The following HSPA4L variants were observed in gnomAD, a reference collection of about 807,000 sequenced individuals.
The protein encoded by HSPA4L is heat shock protein family A (Hsp70) member 4 like, also known as heat shock 70 kDa protein 4L.
In HSPA4L, 48 loss-of-function variants were observed where a neutral mutation model predicts 100.3. That is an observed-to-expected ratio of 0.48 (90% CI 0.38 to 0.61). The LOEUF is 0.61. Ranked by LOEUF, HSPA4L falls within the 20% of genes least tolerant of loss-of-function variation. The probability of loss-of-function intolerance (pLI) is 0.00; values close to 1 mark genes in which losing one functional copy is unlikely to be tolerated. For missense variants in HSPA4L, 886 were observed against 988.6 expected, an observed-to-expected ratio of 0.90 and a Z score of 1.39; for synonymous variants, 319 against 328.2, an observed-to-expected ratio of 0.97 and a Z score of 0.30.
At chr4:127,789,788 T>C (rs1280795137) in intron 1 of HSPA4L, among the ~76,000 whole-genome samples, 1 of 152,264 alleles carries the variant, frequency 6.6e-6, no homozygotes. Flanking sequence ...TGAAAACTCT[T>C]ACATCAGCCT....
intron 11 of HSPA4L, 124 bp from the exon 12 acceptor site, chr4:127,811,313 A>T (rs1212359762): frequency 2.9e-6 from 2 of 691,296 alleles, no homozygotes; most frequent in Non-Finnish European, 5.0e-6. Flanking sequence ...CAATCAGGAT[A>T]TGATCATAAT....
intron 17 of HSPA4L, 63 bp from the exon 18 acceptor site, chr4:127,830,575 C>A (rs1734053329): frequency 1.5e-6 from 2 of 1,314,952 alleles, no homozygotes; most frequent in Non-Finnish European, 2.1e-6. Context: ...GTAGAAATTA[C>A]TAATAAACTG....
intron 1 of HSPA4L, chr4:127,783,787 A>G (rs990128998): frequency 1.2e-5 from 12 of 974,624 alleles, no homozygotes; most frequent in South Asian, 9.6e-5. Flanking sequence ...CTCATTTACT[A>G]TTCTATGGAA....
Position 127,790,196 on chromosome 4 carries a change from C to A in HSPA4L, c.108-3881C>A, listed in dbSNP as rs142580885. Among the ~76,000 whole-genome samples, 615 of 152,292 alleles carry A rather than the reference C, an allele frequency of 4.0e-3. 3 individuals carry two copies. The highest frequency in any genetic ancestry group is 7.8e-3 in the Non-Finnish European group (534 of 68,026). On this transcript the variant is annotated intron_variant, in intron 1 of 18. Coordinates refer to ENST00000296464, the MANE Select transcript of HSPA4L (RefSeq NM_014278.4). ...CTGAATCTTCTTTGGCTCTACTGTT[C>A]TAACAAAAATTAAACTCTTGAGAAT...
intron 8 of HSPA4L, 45 bp downstream of exon 8, chr4:127,804,132 C>A: frequency 6.8e-7 from 1 of 1,460,198 alleles, no homozygotes; most frequent in Non-Finnish European, 9.5e-7. Context: ...CATAATGTTG[C>A]CTACTTAGCG....
At chr4:127,781,933 C>T (rs929416844), upstream of HSPA4L, 57 of 400,316 alleles carry the variant, frequency 1.4e-4, no homozygotes, top group South Asian at 9.4e-4. Context: ...AGCACGCCTC[C>T]GGTTGCCAAA....
intron 3 of HSPA4L, among the ~76,000 whole-genome samples, chr4:127,796,303 A>G (rs1733020314): frequency 6.6e-6 from 1 of 152,192 alleles, no homozygotes. Context: ...ATGTTAAAGC[A>G]TACTTTTCTT....
intron 7 of HSPA4L, 30 bp downstream of exon 7, chr4:127,803,903 G>A: frequency 6.2e-7 from 1 of 1,609,464 alleles, no homozygotes; most frequent in Non-Finnish European, 8.5e-7. Flanking sequence ...TTTGAAAAGT[G>A]TTTACTTATT....
chr4:127,782,563 G>A lies in HSPA4L; in HGVS notation c.13G>A (p.Gly5Ser). The A allele has an allele frequency of 6.2e-7, 1 of 1,614,004 alleles. No homozygotes were observed. Among genetic ancestry groups the A allele is most frequent in the Non-Finnish European group, 8.5e-7 (1 of 1,179,924 alleles). Residue 5 changes from glycine (G) to serine (S), a missense_variant, in exon 1 of 19, where the codon GGC (glycine) becomes AGC (serine). Gly to Ser is a moderately conservative substitution (Grantham distance 56, BLOSUM62 0). Transcript: ENST00000296464. ...ATCACGCGGCGGGATGTCTGTGGTT[G>A]GCATTGACCTCGGCTTTCTCAACTG... The part of the protein sequence containing the change: MSVV[G>S]IDLGFLNCYI...
At chr4:127,783,585 A>C (rs1159080160) in intron 1 of HSPA4L, 2 of 1,532,494 alleles carry the variant, frequency 1.3e-6, no homozygotes, top group East Asian at 2.4e-5. Flanking sequence ...AGTAATTCTG[A>C]AATATGAAAA....
intron 8 of HSPA4L, among the ~76,000 whole-genome samples, chr4:127,804,364 G>A (rs113100956): frequency 0.031 from 4,740 of 151,992 alleles, 263 homozygotes; most frequent in African/African-American, 0.11. Context: ...CCAGCACTTT[G>A]GGAGGCCGAG....
chr4:127,813,269 G>A (rs1191917653), intron 12 of HSPA4L: 3 of 754,882 alleles, frequency 4.0e-6, no homozygotes, highest in Admixed American at 2.1e-5. Flanking sequence ...TTTTAAGACA[G>A]TTTCTCCCTT....
rs1734058673 is a variant in HSPA4L at position 127,830,698 on chromosome 4, G to T, written c.2227G>T (p.Asp743Tyr). 1 of 1,609,950 alleles carries T rather than the reference G, an allele frequency of 6.2e-7. No individual in the cohort carries two copies. The change falls in exon 18 of 19, where the codon GAT (aspartate) becomes TAT (tyrosine). Residue 743 changes from aspartate to tyrosine, a missense_variant. Transcript: ENST00000296464. The stretch of plus-strand genomic sequence containing the variant: ...GGAAAAGGTTGAAAAATGTATCAGT[G>T]ATGCCATGAGTTGGCTGAATAGTAA... ...EMEKVEKCIS[D>Y]AMSWLNSKMN...
At chr4:127,788,841 GA>G (rs1319950311) in intron 1 of HSPA4L, among the ~76,000 whole-genome samples, 3 of 152,336 alleles carry the variant, frequency 2.0e-5, no homozygotes, top group Admixed American at 2.0e-4. Flanking sequence ...CCAAGGTAGA[GA>G]AATCCTGCTC....
chr4:127,794,166 A>G (rs1257921654), intron 2 of HSPA4L, 32 bp downstream of exon 2: 1 of 1,558,492 alleles, frequency 6.4e-7, no homozygotes, highest in Admixed American at 1.7e-5. Context: ...TTTGACTTAC[A>G]GGAAGAATTA....
At chr4:127,809,382 C>G (rs1300753425) in intron 11 of HSPA4L, 1 of 1,206,232 alleles carries the variant, frequency 8.3e-7, no homozygotes, top group Non-Finnish European at 1.2e-6. Flanking sequence ...AGCTTTGCAG[C>G]ATGCTCATGC....
At chr4:127,791,594 G>GT (rs900750660) in intron 1 of HSPA4L, among the ~76,000 whole-genome samples, 13 of 152,068 alleles carry the variant, frequency 8.5e-5, no homozygotes, top group African/African-American at 3.1e-4. Context: ...AGTCCTTTAA[G>GT]TTTCCTCCTG....
chr4:127,782,940 C>T (rs1204955561), intron 1 of HSPA4L, among the ~76,000 whole-genome samples: 3 of 152,166 alleles, frequency 2.0e-5, no homozygotes, highest in Admixed American at 2.0e-4. Context: ...TGCCGCTGTC[C>T]CCCAACGCCT....
chr4:127,785,406 G>C (rs1732688369), intron 1 of HSPA4L, among the ~76,000 whole-genome samples: 1 of 151,896 alleles, frequency 6.6e-6, no homozygotes, highest in African/African-American at 2.4e-5. Flanking sequence ...GGAAGGGGAA[G>C]TATTTACTTT....
Sources: gnomAD v4.1 joint callset for allele counts (sites outside exome capture counted in the v4.1 genomes callset) on GRCh38, gnomAD v4.1.1 for gene constraint, MANE v1.5 for transcripts, NCBI Gene and HGNC (gene_info 2026-07-23, HGNC 2026-07-21) for gene names.